Variants in MAP4K3 observed in about 807,000 individuals in gnomAD.
MAP4K3 encodes the protein mitogen-activated protein kinase kinase kinase kinase 3, also known as MAPK/ERK kinase kinase kinase 3.
MAP4K3 carries 94 observed loss-of-function variants against 143.5 expected under a neutral mutation model. The observed-to-expected ratio is 0.65, with a 90% CI of 0.55 to 0.78. The LOEUF (loss-of-function observed/expected upper bound fraction) is 0.78, where lower values mean the gene tolerates loss of function less well. MAP4K3 is among the 30% of genes least tolerant of loss of function. The pLI is 0.00. For synonymous variants in MAP4K3, 416 were observed against 347.2 expected, an observed-to-expected ratio of 1.20 and a Z score of -2.20; for missense variants, 1,077 against 1,068.1, an observed-to-expected ratio of 1.01 and a Z score of -0.12.
intron 1 of MAP4K3, among the ~76,000 whole-genome samples, chr2:39,407,532 GC>G (rs1667129444): frequency 6.6e-6 from 1 of 152,100 alleles, no homozygotes; most frequent in African/African-American, 2.4e-5. Flanking sequence ...AAGGTTATCT[GC>G]CTAAACAGGT....
At position 39,271,923 on chromosome 2, in the gene MAP4K3, T is replaced by C. The variant is rs570738447; in HGVS notation, c.1973+360A>G. ...CAAAAACACTTTTCAATAAATCATT[T>C]TGATTTTCTAGGTATAGAAACTTTG... On this transcript the variant is annotated intron_variant, in intron 26 of 33. Transcript: ENST00000263881. 8.5e-4 allele frequency: 146 copies of C among 171,730 alleles called. 1 individual carries two copies. Among genetic ancestry groups the C allele is most frequent in the African/African-American group, 3.1e-3 (131 of 41,760 alleles). 10.6% of individuals were successfully genotyped at this position (171,730 alleles called of 1,614,324 possible). A position where few individuals can be genotyped will look rare whatever the true frequency, so the allele number is the denominator to read the frequency against.
chr2:39,271,851 C>G (rs1681038455), intron 26 of MAP4K3: 1 of 157,884 alleles, frequency 6.3e-6, no homozygotes, highest in African/African-American at 2.4e-5. Flanking sequence ...CCTGCCTCAG[C>G]CTCTCAAAGT....
chr2:39,326,196 G>T lies in MAP4K3; in HGVS notation c.612C>A (p.Ala204=). The T allele has an allele frequency of 1.2e-6, 2 of 1,613,780 alleles. No homozygotes were observed. The highest frequency in any genetic ancestry group is 1.1e-5 in the South Asian group (1 of 91,040). Residue 204 remains alanine, a synonymous_variant, in exon 9 of 34, where the codon GCC becomes GCA. Coordinates refer to ENST00000263881, the MANE Select transcript of MAP4K3 (RefSeq NM_003618.4). The part of the protein sequence containing the change: ...LCDLWAVGIT[A]IELAELQPPM... ...GAGGCTGAAGCTCTGCAAGTTCTAT[G>T]GCAGTGATTCCCACTGCCCAGAGAT...
intron 1 of MAP4K3, among the ~76,000 whole-genome samples, chr2:39,429,863 T>C (rs912815584): frequency 1.2e-4 from 18 of 152,220 alleles, no homozygotes; most frequent in South Asian, 4.1e-4. Context: ...GGTGAAAGTA[T>C]AGACATACAG....
chr2:39,342,126 T>C (rs1665160033), intron 4 of MAP4K3, among the ~76,000 whole-genome samples: 1 of 146,434 alleles, frequency 6.8e-6, no homozygotes, highest in Non-Finnish European at 1.5e-5. Context: ...ATTATTATTA[T>C]TATTATTATT....
chr2:39,429,288 A>T (rs1005969405), intron 1 of MAP4K3, among the ~76,000 whole-genome samples: 6 of 152,194 alleles, frequency 3.9e-5, no homozygotes, highest in Admixed American at 3.9e-4. Flanking sequence ...AATTAATTAA[A>T]ATAAAGCAAC....
chr2:39,284,322 C>T (rs188144221), intron 21 of MAP4K3, among the ~76,000 whole-genome samples: 4 of 152,030 alleles, frequency 2.6e-5, no homozygotes, highest in East Asian at 1.9e-4. Context: ...CCACCACACC[C>T]GGCTGTTTCT....
At chr2:39,252,856 G>C (rs1680202488) in intron 32 of MAP4K3, among the ~76,000 whole-genome samples, 1 of 152,186 alleles carries the variant, frequency 6.6e-6, no homozygotes, top group South Asian at 2.1e-4. Context: ...CATCATGACT[G>C]TGATTACCAA....
At chr2:39,269,079 A>G (rs886084200) in intron 26 of MAP4K3, among the ~76,000 whole-genome samples, 12 of 150,926 alleles carry the variant, frequency 8.0e-5, no homozygotes, top group African/African-American at 2.7e-4. Context: ...AAATTTGCCA[A>G]AGATTAGATA....
At position 39,288,205 on chromosome 2, in the gene MAP4K3, T is replaced by C; in HGVS notation, c.1390A>G (p.Met464Val). ...GATGGCTTTGCTGGGCTCCCTGACA[T>C]GGGACATCTCTTGATTGTTCCTTGA... ...ENQGTIKRCP[M>V]SGSPAKPSQV... Residue 464 changes from methionine to valine, a missense_variant, in exon 20 of 34, where the codon ATG becomes GTG. By Grantham distance (21) the Met-to-Val change is conservative. This residue lies in a region of MAP4K3 where 864 missense variants were observed against 801.2 expected (regional missense o/e 1.08). Transcript: ENST00000263881. 3 of 1,614,102 alleles carry C rather than the reference T, an allele frequency of 1.9e-6. No individual in the cohort carries two copies. Among genetic ancestry groups the C allele is most frequent in the Non-Finnish European group, 2.5e-6 (3 of 1,179,972 alleles).
intron 22 of MAP4K3, among the ~76,000 whole-genome samples, chr2:39,281,185 T>C (rs1402248102): frequency 6.6e-6 from 1 of 152,210 alleles, no homozygotes; most frequent in Non-Finnish European, 1.5e-5. Context: ...CATGTTGGCC[T>C]AAATTAAAAG....
rs547940594 is a variant in MAP4K3 at position 39,353,733 on chromosome 2, TAGTAGCAGCAGCAGCAGCAGC to T, written c.245+2495_245+2515del. Among the ~76,000 whole-genome samples, 199 of 151,744 alleles carry T rather than the reference TAGTAGCAGCAGCAGCAGCAGC, an allele frequency of 1.3e-3. 3 individuals are homozygous for T. Among genetic ancestry groups the T allele is most frequent in the African/African-American group, 4.7e-3 (193 of 41,434 alleles). On this transcript the variant is annotated intron_variant, in intron 3 of 33. Coordinates refer to ENST00000263881, the MANE Select transcript of MAP4K3 (RefSeq NM_003618.4). The stretch of plus-strand genomic sequence containing the variant: ...CTTTTAAAAAGTTAAGAAGTAGTAG[TAGTAGCAGCAGCAGCAGCAGC>T]AGCAGCAGCAGCAATAGTAGTAGTA...
chr2:39,319,591 G>C (rs1042163048), intron 12 of MAP4K3, among the ~76,000 whole-genome samples: 4 of 152,112 alleles, frequency 2.6e-5, no homozygotes, highest in African/African-American at 9.7e-5. Context: ...AACTGTTAAT[G>C]ATAGTAAAAT....
chr2:39,434,197 C>A (rs1234386252), intron 1 of MAP4K3, among the ~76,000 whole-genome samples: 1 of 152,154 alleles, frequency 6.6e-6, no homozygotes, highest in East Asian at 1.9e-4. Flanking sequence ...AATTAAGGAA[C>A]AAATTATATA....
In MAP4K3 at chr2:39,351,859, G is replaced by A. The variant is rs376423790; in HGVS notation, c.245+4390C>T. 1.8e-3 allele frequency among the ~76,000 whole-genome samples: 278 copies of A among 152,170 alleles called. 5 individuals are homozygous for A. The highest frequency in any genetic ancestry group is 6.3e-3 in the African/African-American group (263 of 41,536). On this transcript the variant is annotated intron_variant, in intron 3 of 33. Transcript: ENST00000263881. ...AATTTTTTGTATTTTTAATAGAGAT[G>A]GGAGTTTTGCCACGTTGGCCAGGCT...
intron 31 of MAP4K3, among the ~76,000 whole-genome samples, chr2:39,257,462 G>A (rs898899408): frequency 6.6e-6 from 1 of 152,142 alleles, no homozygotes; most frequent in Non-Finnish European, 1.5e-5. Context: ...AAACCCTACA[G>A]GAGTCTGGAG....
chr2:39,318,550 A>AT (rs1683195767), intron 12 of MAP4K3, among the ~76,000 whole-genome samples: 2 of 152,166 alleles, frequency 1.3e-5, no homozygotes, highest in Non-Finnish European at 2.9e-5. Flanking sequence ...GACACCTGCG[A>AT]TAACGGGCTT....
At position 39,435,010 on chromosome 2, in the gene MAP4K3, A is replaced by G. The variant is rs79021612; in HGVS notation, c.96+1882T>C. Among the ~76,000 whole-genome samples the G allele has an allele frequency of 3.3e-4, 50 of 152,308 alleles. 2 individuals are homozygous for G. In the East Asian group the frequency reaches 9.1e-3, roughly 28 times the overall value. ...GTTCTTTTTAATATAGCAAGTACAC[A>G]GCCAATTAGTCCTGTAAAAAAATTC... is the stretch of plus-strand genomic sequence containing the variant. On this transcript the variant is annotated intron_variant, in intron 1 of 33. Coordinates refer to ENST00000263881, the MANE Select transcript of MAP4K3 (RefSeq NM_003618.4).
chr2:39,426,256 A>G (rs991356905), intron 1 of MAP4K3, among the ~76,000 whole-genome samples: 1 of 152,162 alleles, frequency 6.6e-6, no homozygotes, highest in Admixed American at 6.5e-5. Context: ...CTACTCAAAA[A>G]TGTTGGTGTC....
Sources: allele counts gnomAD v4.1 joint callset (sites outside exome capture counted in the v4.1 genomes callset), GRCh38; gene constraint gnomAD v4.1.1; regional missense constraint gnomAD v4.1.1; transcripts MANE v1.5; gene names NCBI Gene and HGNC (gene_info 2026-07-23, HGNC 2026-07-21).